SYT9: variants seen among roughly 807,000 people sequenced by gnomAD.
The protein encoded by SYT9 is synaptotagmin-9.
SYT9 carries 22 observed loss-of-function variants against 48.4 expected under a neutral mutation model. That is an observed-to-expected ratio of 0.45 (90% CI 0.32 to 0.65). The LOEUF is 0.65. SYT9 is among the 30% of genes least tolerant of loss of function. SYT9 has a pLI of 0.03. For synonymous variants in SYT9, 265 were observed against 245.0 expected, an observed-to-expected ratio of 1.08 and a Z score of -0.76; for missense variants, 577 against 622.0, an observed-to-expected ratio of 0.93 and a Z score of 0.77.
chr11:7,413,219 G>C (rs964497412), intron 3 of SYT9, among the ~76,000 whole-genome samples: 4 of 152,188 alleles, frequency 2.6e-5, no homozygotes, highest in Non-Finnish European at 5.9e-5. Context: ...GCAGCTTGCA[G>C]CTCTAGTGAC....
chr11:7,415,193 G>A (rs1847218035), intron 3 of SYT9, among the ~76,000 whole-genome samples: 1 of 152,184 alleles, frequency 6.6e-6, no homozygotes, highest in South Asian at 2.1e-4. Context: ...GCCACCTGGG[G>A]GTCTGGGTCT....
chr11:7,466,307 G>A (rs745761685), intron 6 of SYT9, among the ~76,000 whole-genome samples: 5 of 152,152 alleles, frequency 3.3e-5, no homozygotes, highest in Non-Finnish European at 7.3e-5. Context: ...ATTCTATGCA[G>A]CTTCTCACAT....
intron 1 of SYT9, among the ~76,000 whole-genome samples, chr11:7,242,696 G>T (rs1379242497): frequency 6.6e-6 from 1 of 152,114 alleles, no homozygotes; most frequent in Non-Finnish European, 1.5e-5. Flanking sequence ...AAAGTTAGGA[G>T]TAGGTAGATT....
At chr11:7,384,065 CACACA>C (rs1850612961) in intron 3 of SYT9, among the ~76,000 whole-genome samples, 1 of 13,148 alleles carries the variant, frequency 7.6e-5, no homozygotes, top group Admixed American at 1.2e-3. Context: ...TCACTAGCCA[CACACA>C]CACACACACA....
intron 2 of SYT9, 152 bp downstream of exon 2, chr11:7,303,542 A>C (rs180722874): frequency 7.1e-6 from 5 of 704,554 alleles, no homozygotes; most frequent in Non-Finnish European, 1.1e-5. Context: ...CATGCTTCCT[A>C]CGCCCTCCTT....
At chr11:7,323,409 A>C (rs1849372122) in intron 3 of SYT9, among the ~76,000 whole-genome samples, 1 of 152,072 alleles carries the variant, frequency 6.6e-6, no homozygotes. Context: ...AATAAGGACA[A>C]TTTTGTTTCT....
chr11:7,425,654 G>A (rs530668567), intron 6 of SYT9, among the ~76,000 whole-genome samples: 1 of 152,358 alleles, frequency 6.6e-6, no homozygotes, highest in Admixed American at 6.5e-5. Flanking sequence ...GGAAACACCT[G>A]AATTCCAGAC....
intron 1 of SYT9, among the ~76,000 whole-genome samples, chr11:7,267,769 T>A (rs1426348662): frequency 6.6e-6 from 1 of 151,276 alleles, no homozygotes; most frequent in Non-Finnish European, 1.5e-5. Context: ...AAGTGAAAAA[T>A]CCCAAAGAAG....
intron 1 of SYT9, among the ~76,000 whole-genome samples, chr11:7,271,095 G>A (rs995300932): frequency 1.3e-5 from 2 of 152,006 alleles, no homozygotes; most frequent in African/African-American, 2.4e-5. Flanking sequence ...TCACATCTGC[G>A]AATGTTAACT....
At chr11:7,451,135 G>A (rs1397201210) in intron 6 of SYT9, among the ~76,000 whole-genome samples, 1 of 152,104 alleles carries the variant, frequency 6.6e-6, no homozygotes, top group Non-Finnish European at 1.5e-5. Flanking sequence ...TGCTTCTGAT[G>A]TTTCCTCCCC....
At chr11:7,410,921 C>A (rs1049728471) in intron 3 of SYT9, among the ~76,000 whole-genome samples, 1 of 152,152 alleles carries the variant, frequency 6.6e-6, no homozygotes, top group Admixed American at 6.5e-5. Flanking sequence ...ATGGCGCAGT[C>A]CCAGCTCACT....
chr11:7,414,408 T>C (rs188058632), intron 3 of SYT9, among the ~76,000 whole-genome samples: 32 of 152,326 alleles, frequency 2.1e-4, no homozygotes, highest in Admixed American at 7.8e-4. Context: ...GGGACAGCTG[T>C]GGTCTCTCTT....
intron 1 of SYT9, among the ~76,000 whole-genome samples, chr11:7,254,763 T>TG (rs1264179459): frequency 1.3e-5 from 2 of 152,214 alleles, no homozygotes; most frequent in Non-Finnish European, 2.9e-5. Context: ...TTTCTCAAGC[T>TG]GAACTAAGGA....
intron 1 of SYT9, among the ~76,000 whole-genome samples, chr11:7,270,464 G>A (rs564236471): frequency 3.9e-5 from 6 of 152,174 alleles, no homozygotes; most frequent in Non-Finnish European, 8.8e-5. Context: ...TCATCAGGAA[G>A]TGAATTAAAG....
intron 2 of SYT9, among the ~76,000 whole-genome samples, chr11:7,307,240 T>C (rs2133943410): frequency 6.6e-6 from 1 of 152,320 alleles, no homozygotes; most frequent in South Asian, 2.1e-4. Flanking sequence ...CTCAAGTAAA[T>C]AGTACACAAA....
At chr11:7,284,139 G>A (rs1467999959) in intron 1 of SYT9, among the ~76,000 whole-genome samples, 1 of 152,046 alleles carries the variant, frequency 6.6e-6, no homozygotes, top group African/African-American at 2.4e-5. Flanking sequence ...TCATAAACAA[G>A]GAAAGCATCT....
intron 3 of SYT9, among the ~76,000 whole-genome samples, chr11:7,324,706 CATT>C (rs1485533919): frequency 6.6e-6 from 1 of 151,610 alleles, no homozygotes; most frequent in African/African-American, 2.4e-5. Context: ...TTTTTTTAAG[CATT>C]ATTTCTGTAA....
intron 3 of SYT9, among the ~76,000 whole-genome samples, chr11:7,337,974 A>T (rs900252900): frequency 2.0e-5 from 3 of 152,118 alleles, no homozygotes; most frequent in Admixed American, 6.6e-5. Context: ...GAATTCGGCT[A>T]TGAATCTCTC....
intron 6 of SYT9, chr11:7,435,091 G>C (rs563674095): frequency 2.6e-5 from 4 of 152,150 alleles, no homozygotes; most frequent in Admixed American, 2.0e-4. Flanking sequence ...GAAAATCAAG[G>C]TTCCCGCCAT....
Sources: gnomAD v4.1 joint callset for allele counts (sites outside exome capture counted in the v4.1 genomes callset) on GRCh38, gnomAD v4.1.1 for gene constraint, MANE v1.5 for transcripts, NCBI Gene and HGNC (gene_info 2026-07-23, HGNC 2026-07-21) for gene names.